Variants in DOCK4 observed in about 807,000 individuals in gnomAD.
The protein encoded by DOCK4 is dedicator of cytokinesis 4, also known as dedicator of cytokinesis protein 4.
DOCK4 carries 97 observed loss-of-function variants against 268.1 expected under a neutral mutation model. The observed-to-expected ratio is 0.36, with a 90% CI of 0.31 to 0.43. The LOEUF (loss-of-function observed/expected upper bound fraction) is 0.43. Among genes scored for constraint, DOCK4 ranks in the 20% least tolerant of loss-of-function variants. The pLI, the probability that DOCK4 is intolerant of heterozygous loss-of-function variation, is 1.00. For synonymous variants in DOCK4, 954 were observed against 887.2 expected (o/e 1.08, Z -1.34); for missense variants, 2,145 against 2,455.7 (o/e 0.87, Z 2.67).
intron 1 of DOCK4, among the ~76,000 whole-genome samples, chr7:112,145,826 A>G (rs960388526): frequency 2.0e-5 from 3 of 152,152 alleles, no homozygotes; most frequent in African/African-American, 7.2e-5. Context: ...TTGGAAGAAA[A>G]AAAAAAATGG....
At chr7:112,161,753 T>C (rs994613456) in intron 1 of DOCK4, among the ~76,000 whole-genome samples, 3 of 152,194 alleles carry the variant, frequency 2.0e-5, no homozygotes, top group African/African-American at 7.2e-5. Context: ...TTAAATAATA[T>C]CAATAGTTCA....
At chr7:112,123,464 A>G (rs1812931642) in intron 1 of DOCK4, among the ~76,000 whole-genome samples, 1 of 152,222 alleles carries the variant, frequency 6.6e-6, no homozygotes, top group Non-Finnish European at 1.5e-5. Context: ...AAAAAGGACC[A>G]TGAACACATC....
intron 1 of DOCK4, among the ~76,000 whole-genome samples, chr7:112,148,932 C>A (rs931412941): frequency 6.6e-6 from 1 of 152,148 alleles, no homozygotes; most frequent in African/African-American, 2.4e-5. Flanking sequence ...TACGATAATG[C>A]GCCAATAGCC....
intron 27 of DOCK4, chr7:111,819,451 A>C (rs1310586855): frequency 6.6e-6 from 1 of 152,214 alleles, no homozygotes; most frequent in Non-Finnish European, 1.5e-5. Flanking sequence ...TACAGCAAAC[A>C]AGAAAGAGAA....
intron 30 of DOCK4, among the ~76,000 whole-genome samples, chr7:111,796,936 G>A (rs898013835): frequency 2.0e-5 from 3 of 152,150 alleles, no homozygotes; most frequent in African/African-American, 4.8e-5. Context: ...ACATGGTGCC[G>A]AGATCCAAAA....
intron 23 of DOCK4, among the ~76,000 whole-genome samples, chr7:111,849,819 A>T (rs1403541296): frequency 6.6e-6 from 1 of 152,184 alleles, no homozygotes; most frequent in Non-Finnish European, 1.5e-5. Context: ...GGTGCAACAC[A>T]TATGAAAATG....
At chr7:111,873,974 G>C (rs1163842995) in intron 17 of DOCK4, among the ~76,000 whole-genome samples, 1 of 152,080 alleles carries the variant, frequency 6.6e-6, no homozygotes, top group Non-Finnish European at 1.5e-5. Context: ...AGACATCCTG[G>C]GGTATGACTG....
intron 14 of DOCK4, 67 bp downstream of exon 14, chr7:111,901,610 C>T (rs1197544278): frequency 2.1e-5 from 31 of 1,463,798 alleles, no homozygotes; most frequent in Non-Finnish European, 2.8e-5. Context: ...TAACTGATCA[C>T]ATTAAAGATT....
chr7:111,897,699 G>A (rs544182206), intron 15 of DOCK4, among the ~76,000 whole-genome samples: 1 of 152,138 alleles, frequency 6.6e-6, no homozygotes, highest in South Asian at 2.1e-4. Context: ...TGGCTCAGTA[G>A]ACCAACCACT....
At chr7:111,984,530 C>G (rs967664333) in intron 6 of DOCK4, 140 bp from the exon 7 acceptor site, 3 of 681,332 alleles carry the variant, frequency 4.4e-6, no homozygotes, top group African/African-American at 3.6e-5. Context: ...CTTGTTACCA[C>G]AGTTGGGGTA....
At chr7:111,778,221 G>T (rs938038307) in intron 36 of DOCK4, 55 bp downstream of exon 36, 3 of 1,241,840 alleles carry the variant, frequency 2.4e-6, no homozygotes, top group South Asian at 2.6e-5. Context: ...GCGGAGGAAT[G>T]ATCATGATTA....
At chr7:111,935,377 A>G (rs1220646558) in intron 12 of DOCK4, 163 bp downstream of exon 12, 1 of 702,144 alleles carries the variant, frequency 1.4e-6, no homozygotes, top group South Asian at 1.5e-5. Flanking sequence ...CAACCCTATC[A>G]TAGCATAGGA....
At chr7:111,881,668 A>G (rs1289601828) in intron 16 of DOCK4, among the ~76,000 whole-genome samples, 1 of 152,240 alleles carries the variant, frequency 6.6e-6, no homozygotes, top group Non-Finnish European at 1.5e-5. Context: ...AAGACTTGGA[A>G]GCAACCTAAG....
intron 16 of DOCK4, among the ~76,000 whole-genome samples, chr7:111,894,835 A>G (rs1402599910): frequency 6.6e-6 from 1 of 152,164 alleles, no homozygotes; most frequent in Non-Finnish European, 1.5e-5. Context: ...TAAGCTGGGA[A>G]GTGACATGGC....
chr7:112,024,664 G>C (rs965075704), intron 1 of DOCK4, among the ~76,000 whole-genome samples: 7 of 152,108 alleles, frequency 4.6e-5, no homozygotes, highest in Non-Finnish European at 1.0e-4. Context: ...AGCTCTTCCT[G>C]CTTCAGAAAC....
intron 1 of DOCK4, among the ~76,000 whole-genome samples, chr7:112,059,740 A>G (rs1806223402): frequency 6.6e-6 from 1 of 152,210 alleles, no homozygotes; most frequent in African/African-American, 2.4e-5. Flanking sequence ...GAGGGGGGAA[A>G]AAGTCATGGA....
intron 28 of DOCK4, among the ~76,000 whole-genome samples, chr7:111,811,125 A>G (rs1042193206): frequency 2.6e-5 from 4 of 152,368 alleles, no homozygotes; most frequent in East Asian, 3.9e-4. Context: ...AGAATGAAAT[A>G]TGAAATTTTG....
chr7:111,865,663 G>A (rs1805912355), intron 22 of DOCK4, among the ~76,000 whole-genome samples: 1 of 152,224 alleles, frequency 6.6e-6, no homozygotes. Context: ...TTACTCATCA[G>A]TTGACCTTAA....
In DOCK4 at chr7:111,943,467, A is replaced by C. The variant is rs575039287; in HGVS notation, c.844+1344T>G. On this transcript the variant is annotated intron_variant, in intron 10 of 52. Coordinates refer to ENST00000428084, the MANE Select transcript of DOCK4 (RefSeq NM_001363540.2). The stretch of plus-strand genomic sequence containing the variant: ...TTTTCTCTTACTGCTGTCAGAGATT[A>C]TATTAAAATTTTAGCAATGTTTACA... 2.0e-5 allele frequency among the ~76,000 whole-genome samples: 3 copies of C among 152,352 alleles called. No individual in the cohort carries two copies. In the South Asian group the frequency reaches 6.2e-4, roughly 32 times the overall value.
Sources: allele counts gnomAD v4.1 joint callset (sites outside exome capture counted in the v4.1 genomes callset), GRCh38; gene constraint gnomAD v4.1.1; transcripts MANE v1.5; gene names NCBI Gene and HGNC (gene_info 2026-07-23, HGNC 2026-07-21).